Variants in EYS observed in about 807,000 individuals in gnomAD.
EYS encodes EGF-like photoreceptor maintenance factor.
A neutral mutation model predicts 282.1 loss-of-function variants in EYS; 250 were observed. The ratio of observed to expected loss-of-function variants is 0.89; its 90% confidence interval spans 0.80 to 0.98. EYS has a LOEUF of 0.98. EYS is among the 50% of genes least tolerant of loss of function. The pLI is 0.00. For missense variants in EYS, 4,016 were observed against 3,709.0 expected (o/e 1.08, Z -2.15); for synonymous variants, 1,355 against 1,282.9 (o/e 1.06, Z -1.20).
chr6:65,019,997 G>C (rs1047917119), intron 13 of EYS, among the ~76,000 whole-genome samples: 1 of 151,720 alleles, frequency 6.6e-6, no homozygotes, highest in Non-Finnish European at 1.5e-5. Context: ...CGGCAAGAGA[G>C]TAACCCACCC....
rs58326040 is a variant in EYS at position 65,506,460 on chromosome 6, C to CTTTTTTTTTTTTTTTTTTTTTTTTTTTTT, written c.-332-10496_-332-10468dup. On this transcript the variant is annotated intron_variant, in intron 2 of 42. Coordinates refer to ENST00000503581, the MANE Select transcript of EYS (RefSeq NM_001142800.2). ...GGTTTACAATATCCTTCCTTCCTTT[C>CTTTTTTTTTTTTTTTTTTTTTTTTTTTTT]TTTTTTTTTTTTTTTTTTTTTTTTT... Among the ~76,000 whole-genome samples the CTTTTTTTTTTTTTTTTTTTTTTTTTTTTT allele has an allele frequency of 9.2e-5, 6 of 64,890 alleles. 1 individual carries two copies. Among genetic ancestry groups the CTTTTTTTTTTTTTTTTTTTTTTTTTTTTT allele is most frequent in the African/African-American group, 1.2e-4 (2 of 16,408 alleles). The allele number at this position is 64,890 out of a possible 152,430, so 42.6% of individuals were successfully genotyped here.
intron 2 of EYS, among the ~76,000 whole-genome samples, chr6:65,549,172 C>G (rs1170116630): frequency 6.6e-6 from 1 of 152,152 alleles, no homozygotes; most frequent in Non-Finnish European, 1.5e-5. Flanking sequence ...GTCCCTGGCC[C>G]AGGGGCTGAG....
intron 26 of EYS, among the ~76,000 whole-genome samples, chr6:64,475,323 G>A (rs1453932219): frequency 1.4e-5 from 1 of 71,302 alleles, no homozygotes; most frequent in African/African-American, 4.2e-5. Context: ...AGGCCGAGGC[G>A]GGCGGATCAC....
intron 36 of EYS, among the ~76,000 whole-genome samples, chr6:63,835,890 A>G (rs1259598588): frequency 6.6e-6 from 1 of 152,080 alleles, no homozygotes; most frequent in African/African-American, 2.4e-5. Context: ...CTGAAAGCCA[A>G]AAATGTGGGA....
At chr6:64,642,828 G>A (rs763476871) in intron 22 of EYS, among the ~76,000 whole-genome samples, 1 of 152,118 alleles carries the variant, frequency 6.6e-6, no homozygotes, top group Admixed American at 6.5e-5. Flanking sequence ...TTAATAGATA[G>A]TACTGGGCCA....
chr6:63,798,959 A>G (rs1182718427), intron 37 of EYS, among the ~76,000 whole-genome samples: 3 of 133,240 alleles, frequency 2.3e-5, no homozygotes, highest in Non-Finnish European at 4.6e-5. Flanking sequence ...ATATATGTAT[A>G]TGTGTATATA....
At chr6:64,859,747 C>A (rs1766175190) in intron 19 of EYS, among the ~76,000 whole-genome samples, 1 of 152,188 alleles carries the variant, frequency 6.6e-6, no homozygotes, top group Non-Finnish European at 1.5e-5. Context: ...AAAACTCTTT[C>A]TTTTGTAATT....
intron 35 of EYS, among the ~76,000 whole-genome samples, chr6:63,972,720 G>A (rs1333449579): frequency 1.3e-5 from 2 of 151,980 alleles, no homozygotes; most frequent in African/African-American, 2.4e-5. Context: ...GCCCCGGTGT[G>A]TGCTGTTCCT....
At chr6:65,364,226 A>G (rs539226262) in intron 8 of EYS, among the ~76,000 whole-genome samples, 6 of 145,638 alleles carry the variant, frequency 4.1e-5, no homozygotes, top group African/African-American at 1.5e-4. Context: ...GGCTTTGACT[A>G]AAAAATAAAA....
chr6:63,725,825 A>G lies in EYS; in HGVS notation c.8233+694T>C, dbSNP rs533102632. Among the ~76,000 whole-genome samples the G allele has an allele frequency of 1.2e-4, 18 of 152,252 alleles. No individual in the cohort carries two copies. In the South Asian group the frequency reaches 3.1e-3, roughly 26 times the overall value. On this transcript the variant is annotated intron_variant, in intron 42 of 42. Transcript: ENST00000503581. Reference sequence around the variant, plus strand: ...ATTTAGCAAATGTAATTATTTCTCAATATCAAAATTGTTTCTCATTTTCTG... The same window carrying G: ...ATTTAGCAAATGTAATTATTTCTCAGTATCAAAATTGTTTCTCATTTTCTG...
At chr6:65,142,809 G>A (rs1271676998) in intron 12 of EYS, among the ~76,000 whole-genome samples, 1 of 151,958 alleles carries the variant, frequency 6.6e-6, no homozygotes, top group East Asian at 1.9e-4. Context: ...TAAAACTATG[G>A]AGGCTAGAAG....
chr6:64,530,944 C>T lies in EYS; in HGVS notation c.5644+59279G>A, dbSNP rs752469906. ...TTATATTCATTTTCTGAACAATCTC[C>T]GCCACTTTCGGGTTCTTCTGACACC... On this transcript the variant is annotated intron_variant, in intron 26 of 42. Coordinates refer to ENST00000503581, the MANE Select transcript of EYS (RefSeq NM_001142800.2). Among the ~76,000 whole-genome samples the T allele has an allele frequency of 3.9e-5, 6 of 152,064 alleles. No homozygotes were observed. The South Asian group carries it at 1.0e-3, about 26-fold the overall frequency.
At chr6:65,307,960 TTTA>T (rs1165126188) in intron 11 of EYS, among the ~76,000 whole-genome samples, 177 of 150,706 alleles carry the variant, frequency 1.2e-3, no homozygotes, top group African/African-American at 4.0e-3. Context: ...TAAAGAGCCT[TTTA>T]TTTTTATTTA....
intron 34 of EYS, among the ~76,000 whole-genome samples, chr6:63,986,385 GC>G (rs1480814836): frequency 6.6e-6 from 1 of 151,626 alleles, no homozygotes; most frequent in Non-Finnish European, 1.5e-5. Context: ...AGAGCTAAAA[GC>G]AAAACTACCA....
chr6:64,574,798 C>G (rs1053758833), intron 26 of EYS, among the ~76,000 whole-genome samples: 5 of 152,098 alleles, frequency 3.3e-5, no homozygotes, highest in African/African-American at 7.2e-5. Flanking sequence ...TCATTTACAG[C>G]CCCTGTTGGT....
chr6:65,044,124 T>G (rs1773026772), intron 13 of EYS, among the ~76,000 whole-genome samples: 1 of 151,796 alleles, frequency 6.6e-6, no homozygotes, highest in Admixed American at 6.6e-5. Context: ...AATATTTGTA[T>G]TTCCCTCATG....
intron 12 of EYS, among the ~76,000 whole-genome samples, chr6:65,255,682 A>C (rs893296068): frequency 9.2e-5 from 14 of 152,078 alleles, no homozygotes; most frequent in African/African-American, 3.1e-4. Context: ...AATCAAATTA[A>C]AAATTAGGCA....
chr6:63,984,884 T>A (rs1048751444), intron 34 of EYS, among the ~76,000 whole-genome samples: 2 of 151,532 alleles, frequency 1.3e-5, no homozygotes, highest in Non-Finnish European at 3.0e-5. Flanking sequence ...TACTTTGAAA[T>A]TTTTTTTGAG....
intron 26 of EYS, among the ~76,000 whole-genome samples, chr6:64,489,176 T>C (rs1776662600): frequency 6.6e-6 from 1 of 150,892 alleles, no homozygotes; most frequent in Non-Finnish European, 1.5e-5. Flanking sequence ...ATTAGAGAAC[T>C]TGCAATGTAA....
Sources: allele counts gnomAD v4.1 joint callset (sites outside exome capture counted in the v4.1 genomes callset), GRCh38; gene constraint gnomAD v4.1.1; transcripts MANE v1.5; gene names NCBI Gene and HGNC (gene_info 2026-07-23, HGNC 2026-07-21).